The following SMURF2 variants were observed in gnomAD, a reference collection of about 807,000 sequenced individuals.
The protein encoded by SMURF2 is E3 ubiquitin-protein ligase SMURF2.
SMURF2 carries 48 observed loss-of-function variants against 109.6 expected under a neutral mutation model. The ratio of observed to expected loss-of-function variants is 0.44; its 90% confidence interval spans 0.35 to 0.56. The LOEUF (loss-of-function observed/expected upper bound fraction) is 0.56. Ranked by LOEUF, SMURF2 falls within the 20% of genes least tolerant of loss-of-function variation. The pLI is 0.01. For missense variants in SMURF2, 575 were observed against 909.0 expected, an observed-to-expected ratio of 0.63 and a Z score of 4.72; for synonymous variants, 288 against 317.1, an observed-to-expected ratio of 0.91 and a Z score of 0.97.
chr17:64,615,384 C>T (rs2144688126), intron 1 of SMURF2, among the ~76,000 whole-genome samples: 1 of 152,324 alleles, frequency 6.6e-6, no homozygotes, highest in East Asian at 1.9e-4. Context: ...TCTGCATGTG[C>T]TTTAAACTTA....
intron 2 of SMURF2, 95 bp from the exon 3 acceptor site, chr17:64,598,585 T>TTTAAAAAA (rs1969849955): frequency 9.5e-7 from 1 of 1,049,938 alleles, no homozygotes; most frequent in Admixed American, 3.4e-5. Flanking sequence ...ATTATTCCAT[T>TTTAAAAAA]CTTTTAAAAA....
intron 1 of SMURF2, among the ~76,000 whole-genome samples, chr17:64,609,110 C>T (rs782067328): frequency 5.3e-5 from 8 of 151,974 alleles, no homozygotes; most frequent in South Asian, 2.1e-4. Flanking sequence ...CACTGCTCAA[C>T]GAAATAAGAG....
chr17:64,560,069 A>G (rs1258019761), intron 12 of SMURF2, among the ~76,000 whole-genome samples: 1 of 150,630 alleles, frequency 6.6e-6, no homozygotes, highest in African/African-American at 2.4e-5. Flanking sequence ...TTTTTTTTTA[A>G]TTAGGCATGG....
intron 1 of SMURF2, among the ~76,000 whole-genome samples, chr17:64,629,640 TA>T (rs1193276097): frequency 6.6e-6 from 1 of 152,258 alleles, no homozygotes. Flanking sequence ...TTTTAGGCAA[TA>T]TTTTTATAGA....
intron 1 of SMURF2, among the ~76,000 whole-genome samples, chr17:64,619,517 ATTTGGCAAGACGTTTGCC>A (rs1970174501): frequency 6.6e-6 from 1 of 151,540 alleles, no homozygotes; most frequent in African/African-American, 2.4e-5. Flanking sequence ...GAAGAATATA[ATTTGGCAAGACGTTTGCC>A]TTAGCCAAAA....
At chr17:64,578,710 G>C (rs1969534810) in intron 8 of SMURF2, 134 bp from the exon 9 acceptor site, 1 of 606,942 alleles carries the variant, frequency 1.6e-6, no homozygotes, top group Non-Finnish European at 2.8e-6. Flanking sequence ...TATCAAAAAA[G>C]GGCTTTACAA....
chr17:64,579,315 C>T (rs1186349824), intron 8 of SMURF2, among the ~76,000 whole-genome samples: 1 of 151,514 alleles, frequency 6.6e-6, no homozygotes, highest in Non-Finnish European at 1.5e-5. Context: ...AACAGAACCA[C>T]TTTTCTTTAG....
intron 9 of SMURF2, among the ~76,000 whole-genome samples, chr17:64,572,403 A>G (rs1313078189): frequency 1.3e-5 from 2 of 152,238 alleles, no homozygotes; most frequent in Admixed American, 6.5e-5. Context: ...AAGCTCGCCA[A>G]CAAAGCAAAA....
At chr17:64,659,313 G>A (rs1301214503) in intron 1 of SMURF2, among the ~76,000 whole-genome samples, 1 of 152,030 alleles carries the variant, frequency 6.6e-6, no homozygotes, top group East Asian at 1.9e-4. Context: ...TACTAATATG[G>A]TATTAACTTA....
chr17:64,604,951 A>AG (rs1472033941), intron 2 of SMURF2, among the ~76,000 whole-genome samples: 9 of 152,058 alleles, frequency 5.9e-5, no homozygotes, highest in Non-Finnish European at 8.8e-5. Context: ...CTAAAAAAAA[A>AG]AAAAGGAAAA....
chr17:64,602,580 G>A (rs1280876993), intron 2 of SMURF2, among the ~76,000 whole-genome samples: 1 of 152,154 alleles, frequency 6.6e-6, no homozygotes, highest in Non-Finnish European at 1.5e-5. Context: ...GTTTTCTGAA[G>A]TTAGTGAGAC....
At chr17:64,648,601 A>G (rs1023558233) in intron 1 of SMURF2, among the ~76,000 whole-genome samples, 2 of 152,074 alleles carry the variant, frequency 1.3e-5, no homozygotes, top group Non-Finnish European at 2.9e-5. Flanking sequence ...ATGAGACTCC[A>G]TTTCTACAAA....
At chr17:64,587,692 T>G (rs1969682772) in intron 5 of SMURF2, among the ~76,000 whole-genome samples, 1 of 152,162 alleles carries the variant, frequency 6.6e-6, no homozygotes. Context: ...CAGAGCTCCT[T>G]GATATTAAGT....
At chr17:64,660,051 T>C (rs1398809491) in intron 1 of SMURF2, among the ~76,000 whole-genome samples, 3 of 152,188 alleles carry the variant, frequency 2.0e-5, no homozygotes, top group African/African-American at 7.2e-5. Flanking sequence ...AAGCATAATC[T>C]TTCCTCTTAA....
intron 16 of SMURF2, among the ~76,000 whole-genome samples, chr17:64,549,539 T>C (rs1225562859): frequency 6.6e-6 from 1 of 151,844 alleles, no homozygotes; most frequent in African/African-American, 2.4e-5. Context: ...GTGGATTGCC[T>C]GAGCTAAAAA....
At chr17:64,597,995 A>G (rs1191235552) in intron 3 of SMURF2, among the ~76,000 whole-genome samples, 3 of 152,142 alleles carry the variant, frequency 2.0e-5, no homozygotes, top group Non-Finnish European at 4.4e-5. Flanking sequence ...CATATACTCC[A>G]ATGGTTTAAA....
At chr17:64,624,339 A>ACTTTTTAAAATTAGC (rs1970240497) in intron 1 of SMURF2, among the ~76,000 whole-genome samples, 2 of 150,260 alleles carry the variant, frequency 1.3e-5, no homozygotes, top group East Asian at 2.0e-4. Flanking sequence ...TCTATAAAAA[A>ACTTTTTAAAATTAGC]AAATTTTTTT....
intron 5 of SMURF2, among the ~76,000 whole-genome samples, chr17:64,589,877 G>C (rs1364402768): frequency 2.0e-5 from 3 of 151,978 alleles, no homozygotes; most frequent in Non-Finnish European, 2.9e-5. Flanking sequence ...CCCCCAGCCT[G>C]GTCTATGGAA....
At position 64,544,764 on chromosome 17, in the gene SMURF2, C is replaced by A. The variant is rs1353477585; in HGVS notation, c.*1084G>T. On this transcript the variant is annotated 3_prime_UTR_variant, in exon 19 of 19. Coordinates refer to ENST00000262435, the MANE Select transcript of SMURF2 (RefSeq NM_022739.4). ...AGGATTTTCTAAGCTTATTAATAATCTTTAGAGCAAAATTCTTCCTTTTTC... is the reference window on the plus strand; with the variant it reads ...AGGATTTTCTAAGCTTATTAATAATATTTAGAGCAAAATTCTTCCTTTTTC... 2.6e-5 allele frequency: 4 copies of A among 152,470 alleles called. No individual in the cohort carries two copies. Among genetic ancestry groups the A allele is most frequent in the Admixed American group, 6.5e-5 (1 of 15,298 alleles). The allele number at this position is 152,470 out of a possible 1,614,324, so 9.4% of individuals were successfully genotyped here.
Sources: allele counts gnomAD v4.1 joint callset (sites outside exome capture counted in the v4.1 genomes callset), GRCh38; gene constraint gnomAD v4.1.1; transcripts MANE v1.5; gene names NCBI Gene and HGNC (gene_info 2026-07-23, HGNC 2026-07-21).